The following HCRTR2 variants were observed in gnomAD, a reference collection of about 807,000 sequenced individuals.
The protein encoded by HCRTR2 is orexin receptor type 2.
Under a neutral mutation model 49.0 loss-of-function variants are expected in HCRTR2, and 22 were observed. That is an observed-to-expected ratio of 0.45 (90% confidence interval 0.32 to 0.64). HCRTR2 has a LOEUF of 0.64. HCRTR2 is among the 30% of genes least tolerant of loss of function. The probability of loss-of-function intolerance (pLI) is 0.04; values close to 1 mark genes in which losing one functional copy is unlikely to be tolerated. For synonymous variants in HCRTR2, 236 were observed against 205.3 expected, an observed-to-expected ratio of 1.15 and a Z score of -1.28; for missense variants, 491 against 559.4, an observed-to-expected ratio of 0.88 and a Z score of 1.23.
rs998819837 is a variant in HCRTR2, at chr6:55,131,560, C to G, written c.-378+25015C>G. Among the ~76,000 whole-genome samples, 12 of 151,636 alleles carry G rather than the reference C, an allele frequency of 7.9e-5. No homozygotes were observed. In the East Asian group the frequency reaches 1.9e-3, roughly 24 times the overall value. ...CAAAATTTAAAGTCATTAATACCATCAAGTTTATTCATATAACACTAAAGT... is the reference window on the plus strand; with the variant it reads ...CAAAATTTAAAGTCATTAATACCATGAAGTTTATTCATATAACACTAAAGT... On this transcript the variant is annotated intron_variant, in intron 1 of 7. Coordinates refer to the HCRTR2 transcript ENST00000615358.
chr6:55,150,482 G>T (rs1764650072), intron 1 of HCRTR2, among the ~76,000 whole-genome samples: 1 of 151,776 alleles, frequency 6.6e-6, no homozygotes, highest in Admixed American at 6.6e-5. Context: ...CTACCCTTTG[G>T]TTACACCTCC....
chr6:55,161,398 A>G (rs1764803439), intron 1 of HCRTR2, among the ~76,000 whole-genome samples: 1 of 152,194 alleles, frequency 6.6e-6, no homozygotes, highest in African/African-American at 2.4e-5. Flanking sequence ...TCTAAAATCA[A>G]CACCCTAACA....
intron 1 of HCRTR2, among the ~76,000 whole-genome samples, chr6:55,248,317 C>G (rs1766483907): frequency 6.6e-6 from 1 of 152,076 alleles, no homozygotes; most frequent in African/African-American, 2.4e-5. Context: ...TCTTGAGACT[C>G]TACTACATAT....
chr6:55,224,885 AAAG>A (rs1355502732), intron 1 of HCRTR2, among the ~76,000 whole-genome samples: 3 of 152,202 alleles, frequency 2.0e-5, no homozygotes, highest in Non-Finnish European at 4.4e-5. Context: ...GGAAACGGTC[AAAG>A]AATAAAAAAT....
At chr6:55,118,922 T>A (rs934534928) in intron 1 of HCRTR2, among the ~76,000 whole-genome samples, 7 of 151,950 alleles carry the variant, frequency 4.6e-5, no homozygotes, top group African/African-American at 1.7e-4. Flanking sequence ...TTTCTCCTTA[T>A]GCTATTCCTC....
chr6:55,240,162 C>T (rs1477583092), intron 1 of HCRTR2, among the ~76,000 whole-genome samples: 1 of 151,506 alleles, frequency 6.6e-6, no homozygotes, highest in Non-Finnish European at 1.5e-5. Flanking sequence ...TCTAGACCAT[C>T]CTGGCTAACA....
intron 1 of HCRTR2, among the ~76,000 whole-genome samples, chr6:55,121,902 G>T (rs1295793516): frequency 6.6e-6 from 1 of 151,806 alleles, no homozygotes; most frequent in East Asian, 1.9e-4. Context: ...TGTTCGTCAG[G>T]GATATTGTTC....
chr6:55,176,707 A>C (rs914102354), intron 1 of HCRTR2, among the ~76,000 whole-genome samples: 1 of 152,178 alleles, frequency 6.6e-6, no homozygotes, highest in African/African-American at 2.4e-5. Flanking sequence ...TCAGATCCAG[A>C]ATTCTCCATT....
chr6:55,134,127 A>C (rs890829081), intron 1 of HCRTR2, among the ~76,000 whole-genome samples: 1 of 151,786 alleles, frequency 6.6e-6, no homozygotes, highest in African/African-American at 2.4e-5. Context: ...AAACAAACTA[A>C]GCACATTTTA....
At chr6:55,278,344 G>A (rs1255180154) in intron 5 of HCRTR2, among the ~76,000 whole-genome samples, 3 of 152,146 alleles carry the variant, frequency 2.0e-5, no homozygotes, top group Admixed American at 2.0e-4. Context: ...CTGGTCCCAA[G>A]GCAATACCAA....
At chr6:55,153,271 A>G (rs1287139568) in intron 1 of HCRTR2, among the ~76,000 whole-genome samples, 1 of 151,970 alleles carries the variant, frequency 6.6e-6, no homozygotes, top group African/African-American at 2.4e-5. Context: ...GAAATGCATT[A>G]TTACATGATT....
intron 1 of HCRTR2, among the ~76,000 whole-genome samples, chr6:55,206,294 G>A (rs2042777475): frequency 6.6e-6 from 1 of 151,948 alleles, no homozygotes; most frequent in South Asian, 2.1e-4. Context: ...TTTTCATATT[G>A]AAGAATCACT....
intron 1 of HCRTR2, among the ~76,000 whole-genome samples, chr6:55,223,687 T>G (rs1330364964): frequency 1.3e-5 from 2 of 152,142 alleles, no homozygotes; most frequent in Non-Finnish European, 2.9e-5. Context: ...TCAACCTCTA[T>G]ATGGCGGGCT....
chr6:55,112,993 A>T (rs1764070473), intron 1 of HCRTR2, among the ~76,000 whole-genome samples: 1 of 152,060 alleles, frequency 6.6e-6, no homozygotes, highest in Admixed American at 6.6e-5. Flanking sequence ...CAGCCAACTG[A>T]TCTTCAACAA....
intron 1 of HCRTR2, among the ~76,000 whole-genome samples, chr6:55,175,638 G>A (rs1028119295): frequency 9.9e-5 from 15 of 151,876 alleles, no homozygotes; most frequent in Non-Finnish European, 1.9e-4. Flanking sequence ...TATTTGTCCC[G>A]GTCTAGGTCT....
At chr6:55,206,980 G>A (rs776213105) in intron 1 of HCRTR2, among the ~76,000 whole-genome samples, 6 of 151,936 alleles carry the variant, frequency 3.9e-5, no homozygotes, top group Non-Finnish European at 5.9e-5. Flanking sequence ...ATTAATTAAC[G>A]TAAGACCATT....
chr6:55,115,479 AGTGTGTGTGTGTGT>A (rs34700512), intron 1 of HCRTR2, among the ~76,000 whole-genome samples: 36 of 148,902 alleles, frequency 2.4e-4, no homozygotes, highest in African/African-American at 7.9e-4. Context: ...GTTGCTAAAG[AGTGTGTGTGTGTGT>A]GTGTGTGTGT....
chr6:55,110,966 T>C (rs554693568), intron 1 of HCRTR2, among the ~76,000 whole-genome samples: 1 of 152,238 alleles, frequency 6.6e-6, no homozygotes, highest in African/African-American at 2.4e-5. Context: ...ATAGATCATA[T>C]GATAGGTCAC....
chr6:55,124,300 T>C (rs978999524), intron 1 of HCRTR2, among the ~76,000 whole-genome samples: 2 of 152,300 alleles, frequency 1.3e-5, no homozygotes, highest in Admixed American at 6.5e-5. Context: ...GTCACAGAGA[T>C]TCTGGTATGT....
Sources: allele counts gnomAD v4.1 joint callset (sites outside exome capture counted in the v4.1 genomes callset), GRCh38; gene constraint gnomAD v4.1.1; transcripts MANE v1.5; gene names NCBI Gene and HGNC (gene_info 2026-07-23, HGNC 2026-07-21).